RECK: variants seen among roughly 807,000 people sequenced by gnomAD.
RECK encodes reversion inducing cysteine rich protein with kazal motifs.
RECK carries 69 observed loss-of-function variants against 115.1 expected under a neutral mutation model. That is an observed-to-expected ratio of 0.60 (90% confidence interval 0.49 to 0.73). The LOEUF (loss-of-function observed/expected upper bound fraction) is 0.73, where lower values mean the gene tolerates loss of function less well. RECK is among the 30% of genes least tolerant of loss of function. The pLI is 0.00. For synonymous variants in RECK, 414 were observed against 419.7 expected, an observed-to-expected ratio of 0.99 and a Z score of 0.17; for missense variants, 1,047 against 1,203.7, an observed-to-expected ratio of 0.87 and a Z score of 1.93.
chr9:36,091,127 G>T, intron 9 of RECK, 37 bp from the exon 10 acceptor site: 2 of 1,595,052 alleles, frequency 1.3e-6, no homozygotes, highest in Non-Finnish European at 1.7e-6. Context: ...TACTTGGTTG[G>T]CTCATGTCGG....
rs17855036 is a variant in RECK, at chr9:36,037,053, G to A, written c.55G>A (p.Ala19Thr). 7.2e-7 allele frequency: 1 copy of A among 1,397,896 alleles called. No individual in the cohort carries two copies. Among genetic ancestry groups the A allele is most frequent in the Non-Finnish European group, 9.3e-7 (1 of 1,070,808 alleles). The allele number at this position is 1,397,896 out of a possible 1,614,324, so 86.6% of individuals were successfully genotyped here. The change falls in exon 1 of 21, where the codon GCG becomes ACG. Residue 19 changes from alanine to threonine, a missense_variant. Ala to Thr is a moderately conservative substitution (Grantham distance 58). Coordinates refer to ENST00000377966, the MANE Select transcript of RECK (RefSeq NM_021111.3). ...TGCGCTGCTCCTTCTGCTGGCCGTG[G>A]CGGGGGTCGCGGAGGTGGCAGGGGG... ...RGALLLLLAV[A>T]GVAEVAGGLA...
In RECK at chr9:36,122,819, C is replaced by T; in HGVS notation, c.2695-5C>T. 1.9e-6 allele frequency: 3 copies of T among 1,612,758 alleles called. No homozygotes were observed. The highest frequency in any genetic ancestry group is 2.5e-6 in the Non-Finnish European group (3 of 1,178,986). On this transcript the variant is annotated splice_region_variant and splice_polypyrimidine_tract_variant and intron_variant, in intron 20 of 20. Transcript: ENST00000377966. ...ATATTAAGGGAACCTTGTTTCTCCTCACAGATTGAAGCCTGCAATAAAGAA... is the reference window on the plus strand; with the variant it reads ...ATATTAAGGGAACCTTGTTTCTCCTTACAGATTGAAGCCTGCAATAAAGAA...
Position 36,112,311 on chromosome 9 carries a change from C to A in RECK, c.1895C>A (p.Pro632His), listed in dbSNP as rs765790411. The A allele has an allele frequency of 6.2e-7, 1 of 1,612,812 alleles. No homozygotes were observed. Among genetic ancestry groups the A allele is most frequent in the South Asian group, 1.1e-5 (1 of 91,026 alleles). The change falls in exon 16 of 21, where the codon CCC (proline) becomes CAC (histidine). Residue 632 changes from proline to histidine, a missense_variant. Coordinates refer to ENST00000377966, the MANE Select transcript of RECK (RefSeq NM_021111.3). Reference sequence around the variant, plus strand: ...GGCTGTTTCCTCTCCTCAGGTCTGCCCTGTAACTGTGCAGATCAGTTTGTC... The same window carrying A: ...GGCTGTTTCCTCTCCTCAGGTCTGCACTGTAACTGTGCAGATCAGTTTGTC... ...EDDRRTFTGL[P>H]CNCADQFVPV...
Position 36,122,858 on chromosome 9 carries a change from A to G in RECK, c.2729A>G (p.Glu910Gly). ...TGCAATAAAGAAGCAGAGAAGATTG[A>G]GTCCCTTATCAACTCTGACAGCCCG... ...EACNKEAEKIESLINSDSPTL... is the reference protein window; with the variant it reads ...EACNKEAEKIGSLINSDSPTL... Residue 910 changes from glutamate to glycine, a missense_variant, in exon 21 of 21, where the codon GAG (glutamate) becomes GGG (glycine). Coordinates refer to ENST00000377966, the MANE Select transcript of RECK (RefSeq NM_021111.3). 1 of 1,614,170 alleles carries G rather than the reference A, an allele frequency of 6.2e-7. No homozygotes were observed. The highest frequency in any genetic ancestry group is 8.5e-7 in the Non-Finnish European group (1 of 1,180,014).
intron 4 of RECK, 37 bp from the exon 5 acceptor site, chr9:36,063,758 A>T: frequency 6.3e-7 from 1 of 1,591,732 alleles, no homozygotes; most frequent in Non-Finnish European, 8.6e-7. Flanking sequence ...TTTTATTGCT[A>T]CTTATGACCA....
At chr9:36,063,042 G>A (rs1225671849) in intron 4 of RECK, among the ~76,000 whole-genome samples, 2 of 152,066 alleles carry the variant, frequency 1.3e-5, no homozygotes, top group African/African-American at 4.8e-5. Context: ...GGCTGAGGCA[G>A]GAGAATTGCT....
intron 8 of RECK, among the ~76,000 whole-genome samples, chr9:36,084,046 G>T (rs1008580483): frequency 1.3e-5 from 2 of 151,892 alleles, no homozygotes; most frequent in Non-Finnish European, 2.9e-5. Flanking sequence ...AGTAAATTAC[G>T]GCATACCTAT....
chr9:36,048,242 G>T (rs1226126776), intron 1 of RECK, among the ~76,000 whole-genome samples: 1 of 149,610 alleles, frequency 6.7e-6, no homozygotes, highest in Non-Finnish European at 1.5e-5. Context: ...CTTTTGACTT[G>T]CCAATTCTAG....
chr9:36,087,330 T>C (rs542726563), intron 8 of RECK, among the ~76,000 whole-genome samples: 8 of 152,342 alleles, frequency 5.3e-5, no homozygotes, highest in African/African-American at 1.7e-4. Context: ...GATGAGTTCA[T>C]GTCCTTTGCA....
At chr9:36,055,840 A>T (rs1002338086) in intron 2 of RECK, among the ~76,000 whole-genome samples, 1 of 151,802 alleles carries the variant, frequency 6.6e-6, no homozygotes, top group South Asian at 2.1e-4. Flanking sequence ...TTGAGGGGAG[A>T]TGGAATTGCA....
At chr9:36,107,852 T>G in intron 13 of RECK, 124 bp from the exon 14 acceptor site, 4 of 666,814 alleles carry the variant, frequency 6.0e-6, no homozygotes, top group Non-Finnish European at 9.9e-6. Context: ...TTGGTGAAAG[T>G]TCTATTACAT....
In RECK at chr9:36,117,100, A is replaced by G; in HGVS notation, c.2176A>G (p.Thr726Ala). The stretch of plus-strand genomic sequence containing the variant: ...CCAGGTCCAAGATCCTGTTTGTGAC[A>G]CAGACCACATGGAGCACAACAATCT... Reference protein sequence around the residue: ...CDQVQDPVCDTDHMEHNNLCT... With the variant: ...CDQVQDPVCDADHMEHNNLCT... The change falls in exon 17 of 21, where the codon ACA (threonine) becomes GCA (alanine). Residue 726 changes from threonine to alanine, a missense_variant. Physicochemically the swap from Thr to Ala is moderately conservative, Grantham distance 58 (BLOSUM62 0). Coordinates refer to ENST00000377966, the MANE Select transcript of RECK (RefSeq NM_021111.3). 1 of 1,614,224 alleles carries G rather than the reference A, an allele frequency of 6.2e-7. No individual in the cohort carries two copies. Among genetic ancestry groups the G allele is most frequent in the Non-Finnish European group, 8.5e-7 (1 of 1,180,010 alleles).
At chr9:36,043,149 C>T (rs10120170) in intron 1 of RECK, among the ~76,000 whole-genome samples, 12,211 of 144,896 alleles carry the variant, frequency 0.084, 649 homozygotes, top group East Asian at 0.29. Flanking sequence ...CTCAGCCTCC[C>T]GAGTAGCTGG....
At chr9:36,065,664 A>G (rs770441906) in intron 6 of RECK, 40 bp downstream of exon 6, 1 of 1,436,594 alleles carries the variant, frequency 7.0e-7, no homozygotes, top group South Asian at 1.5e-5. Flanking sequence ...GCCTATTCAG[A>G]TGTTATCAGA....
At position 36,118,795 on chromosome 9, in the gene RECK, T is replaced by C. The variant is rs762495172; in HGVS notation, c.2292T>C (p.Asn764=). The C allele has an allele frequency of 6.2e-7, 1 of 1,614,158 alleles. No homozygotes were observed. The highest frequency in any genetic ancestry group is 1.3e-5 in the African/African-American group (1 of 75,048). ...CAACCGAGCCCGTATGTGGGCACAA[T>C]GGTGAGACCTACAGCAGTGTGTGTG... The part of the protein sequence containing the change: ...CRATEPVCGH[N]GETYSSVCAA... Residue 764 remains asparagine, a synonymous_variant, in exon 18 of 21, where the codon AAT becomes AAC. Coordinates refer to ENST00000377966, the MANE Select transcript of RECK (RefSeq NM_021111.3).
chr9:36,096,473 G>C (rs1823346261), intron 10 of RECK, among the ~76,000 whole-genome samples: 1 of 152,050 alleles, frequency 6.6e-6, no homozygotes, highest in Non-Finnish European at 1.5e-5. Context: ...GGAGGTGGAG[G>C]TTGCAGTGAG....
At chr9:36,069,656 A>C (rs1822150491) in intron 6 of RECK, among the ~76,000 whole-genome samples, 1 of 152,132 alleles carries the variant, frequency 6.6e-6, no homozygotes, top group Non-Finnish European at 1.5e-5. Flanking sequence ...AGAAACACAG[A>C]GGGGCATGGG....
At chr9:36,043,850 G>A (rs1820977059) in intron 1 of RECK, among the ~76,000 whole-genome samples, 1 of 151,780 alleles carries the variant, frequency 6.6e-6, no homozygotes, top group African/African-American at 2.4e-5. Flanking sequence ...TTTATTTCTG[G>A]GTTCTCTATT....
chr9:36,084,839 G>A (rs967166491), intron 8 of RECK, among the ~76,000 whole-genome samples: 1 of 152,082 alleles, frequency 6.6e-6, no homozygotes, highest in African/African-American at 2.4e-5. Context: ...AGGATTGCCT[G>A]AGGTCAAAAG....
Sources: gnomAD v4.1 joint callset for allele counts (sites outside exome capture counted in the v4.1 genomes callset) on GRCh38, gnomAD v4.1.1 for gene constraint, MANE v1.5 for transcripts, NCBI Gene and HGNC (gene_info 2026-07-23, HGNC 2026-07-21) for gene names.